Variants in PTPRD observed in about 807,000 individuals in gnomAD.
PTPRD encodes receptor-type tyrosine-protein phosphatase delta.
Under a neutral mutation model 214.5 loss-of-function variants are expected in PTPRD, and 34 were observed. The observed-to-expected ratio is 0.16, with a 90% CI of 0.12 to 0.21. PTPRD has a LOEUF of 0.21. Ranked by LOEUF, PTPRD falls within the 10% of genes least tolerant of loss-of-function variation. PTPRD has a pLI of 1.00. For synonymous variants in PTPRD, 1,128 were observed against 845.7 expected (o/e 1.33, Z -5.79); for missense variants, 2,545 against 2,398.7 (o/e 1.06, Z -1.27).
At chr9:8,861,162 G>C (rs932692030) in intron 11 of PTPRD, 2 of 152,170 alleles carry the variant, frequency 1.3e-5, no homozygotes, top group African/African-American at 4.8e-5. Flanking sequence ...TTAGTTCCTA[G>C]AAGTACTTGG....
At chr9:9,253,447 T>C (rs1020152316) in intron 9 of PTPRD, among the ~76,000 whole-genome samples, 2 of 152,080 alleles carry the variant, frequency 1.3e-5, no homozygotes, top group Non-Finnish European at 2.9e-5. Flanking sequence ...TAACAAAAGT[T>C]GGCATATTCA....
At chr9:8,724,220 A>C (rs1201059657) in intron 12 of PTPRD, among the ~76,000 whole-genome samples, 1 of 152,222 alleles carries the variant, frequency 6.6e-6, no homozygotes, top group Non-Finnish European at 1.5e-5. Context: ...CATGTTAAAA[A>C]CAAAGGATTA....
At chr9:8,468,986 A>G (rs772548537) in intron 31 of PTPRD, among the ~76,000 whole-genome samples, 2 of 151,926 alleles carry the variant, frequency 1.3e-5, no homozygotes, top group African/African-American at 2.4e-5. Flanking sequence ...CAGTCAATGC[A>G]TATCTTATTT....
chr9:10,405,862 T>A (rs2098346280), intron 2 of PTPRD, among the ~76,000 whole-genome samples: 1 of 151,572 alleles, frequency 6.6e-6, no homozygotes, highest in African/African-American at 2.4e-5. Flanking sequence ...AATTACTTTA[T>A]AGGAATACAT....
chr9:9,077,006 T>C (rs934942464), intron 10 of PTPRD, among the ~76,000 whole-genome samples: 2 of 152,058 alleles, frequency 1.3e-5, no homozygotes, highest in Non-Finnish European at 2.9e-5. Context: ...TTAACTGGGA[T>C]AAGGTGATCT....
At chr9:9,777,773 T>C (rs1235717771) in intron 5 of PTPRD, among the ~76,000 whole-genome samples, 1 of 152,236 alleles carries the variant, frequency 6.6e-6, no homozygotes, top group African/African-American at 2.4e-5. Flanking sequence ...AAGAAGGTTT[T>C]AATGGTTTTT....
At chr9:10,276,805 T>C (rs1002169073) in intron 3 of PTPRD, among the ~76,000 whole-genome samples, 1 of 152,132 alleles carries the variant, frequency 6.6e-6, no homozygotes, top group African/African-American at 2.4e-5. Flanking sequence ...GTCTAATACT[T>C]TTAGAGGTGA....
chr9:9,266,046 G>C (rs879323139), intron 9 of PTPRD, among the ~76,000 whole-genome samples: 3 of 151,398 alleles, frequency 2.0e-5, no homozygotes, highest in Non-Finnish European at 4.4e-5. Flanking sequence ...TAAAGATATT[G>C]TATGCAAATA....
rs567142723 is a variant in PTPRD, at chr9:8,978,312, A to G, written c.-104+40385T>C. ...ACTTTCTGCTGGCATTATGGTTGTT[A>G]CTGTGTAAGTCCCTTATCAGTTCTG... On this transcript the variant is annotated intron_variant, in intron 11 of 45. Coordinates refer to ENST00000381196, the MANE Select transcript of PTPRD (RefSeq NM_002839.4). Among the ~76,000 whole-genome samples, 7 of 152,200 alleles carry G rather than the reference A, an allele frequency of 4.6e-5. No individual in the cohort carries two copies. The East Asian group carries it at 1.4e-3, about 30-fold the overall frequency.
chr9:9,363,740 G>A (rs1280757459), intron 9 of PTPRD, among the ~76,000 whole-genome samples: 2 of 151,256 alleles, frequency 1.3e-5, no homozygotes, highest in African/African-American at 4.8e-5. Flanking sequence ...AGAGCTTTGT[G>A]AGCCTGTAGA....
intron 9 of PTPRD, among the ~76,000 whole-genome samples, chr9:9,250,812 C>T (rs1199690785): frequency 6.6e-6 from 1 of 151,956 alleles, no homozygotes; most frequent in African/African-American, 2.4e-5. Flanking sequence ...AAAAATGAGT[C>T]CCAACAAATT....
chr9:10,381,032 T>C (rs575348608), intron 2 of PTPRD, among the ~76,000 whole-genome samples: 1 of 151,886 alleles, frequency 6.6e-6, no homozygotes, highest in Non-Finnish European at 1.5e-5. Flanking sequence ...GAGAGATTAG[T>C]AGGACGCTCA....
intron 3 of PTPRD, among the ~76,000 whole-genome samples, chr9:10,292,154 T>C (rs112697784): frequency 1.3e-5 from 2 of 152,148 alleles, no homozygotes; most frequent in East Asian, 1.9e-4. Context: ...AAAGCTATCC[T>C]CATAAAAGAC....
intron 8 of PTPRD, among the ~76,000 whole-genome samples, chr9:9,461,814 G>T (rs2093685466): frequency 1.3e-5 from 2 of 152,112 alleles, no homozygotes. Context: ...GCAGAGAATA[G>T]AATCTATGAG....
chr9:9,493,480 T>C (rs2154211984), intron 8 of PTPRD, among the ~76,000 whole-genome samples: 1 of 152,130 alleles, frequency 6.6e-6, no homozygotes, highest in East Asian at 1.9e-4. Context: ...GACTTTCCAG[T>C]TTTATTATTT....
At position 10,351,637 on chromosome 9, in the gene PTPRD, T is replaced by C. The variant is rs548370577; in HGVS notation, c.-599-10620A>G. Among the ~76,000 whole-genome samples, 3 of 151,258 alleles carry C rather than the reference T, an allele frequency of 2.0e-5. 1 individual carries two copies. Among genetic ancestry groups the C allele is most frequent in the African/African-American group, 7.3e-5 (3 of 41,196 alleles). On this transcript the variant is annotated intron_variant, in intron 2 of 45. Coordinates refer to ENST00000381196, the MANE Select transcript of PTPRD (RefSeq NM_002839.4). ...GAAATAATACTGGGCAATCAGAGGT[T>C]AGTACCTCTCATATTTTAATTCTAA... is the stretch of plus-strand genomic sequence containing the variant.
At chr9:10,494,561 T>C (rs1037431701) in intron 2 of PTPRD, among the ~76,000 whole-genome samples, 5 of 151,342 alleles carry the variant, frequency 3.3e-5, no homozygotes, top group African/African-American at 1.2e-4. Flanking sequence ...GCATTATAAT[T>C]TTTTTGTTTT....
At chr9:9,088,515 G>C (rs376981797) in intron 10 of PTPRD, among the ~76,000 whole-genome samples, 3 of 146,382 alleles carry the variant, frequency 2.0e-5, no homozygotes, top group Non-Finnish European at 3.0e-5. Context: ...AGGAGGTCGG[G>C]GTTGCAGTGA....
At chr9:9,579,879 T>A (rs1051854238) in intron 7 of PTPRD, among the ~76,000 whole-genome samples, 2 of 152,124 alleles carry the variant, frequency 1.3e-5, no homozygotes, top group South Asian at 4.1e-4. Flanking sequence ...TGAGTTTCCA[T>A]TGTCAATCAA....
Sources: gnomAD v4.1 joint callset for allele counts (sites outside exome capture counted in the v4.1 genomes callset) on GRCh38, gnomAD v4.1.1 for gene constraint, MANE v1.5 for transcripts, NCBI Gene and HGNC (gene_info 2026-07-23, HGNC 2026-07-21) for gene names.